CCDC7: variants seen among roughly 807,000 people sequenced by gnomAD.
CCDC7 encodes coiled-coil domain-containing protein 7.
In CCDC7, 183 loss-of-function variants were observed where a neutral mutation model predicts 196.9. That is an observed-to-expected ratio of 0.93 (90% CI 0.82 to 1.05). The LOEUF is 1.05. Ranked by LOEUF, CCDC7 falls within the 50% of genes least tolerant of loss-of-function variation. CCDC7 has a pLI of 0.00. For synonymous variants in CCDC7, 525 were observed against 484.6 expected, an observed-to-expected ratio of 1.08 and a Z score of -1.10; for missense variants, 1,540 against 1,482.2, an observed-to-expected ratio of 1.04 and a Z score of -0.64.
chr10:32,503,515 T>C lies in CCDC7; in HGVS notation c.872+11518T>C, dbSNP rs558468235. 2.6e-5 allele frequency among the ~76,000 whole-genome samples: 4 copies of C among 152,336 alleles called. No homozygotes were observed. In the East Asian group the frequency reaches 7.7e-4, roughly 29 times the overall value. ...ATCATGGTGAATGATCCCTTTAATG[T>C]ACTGTTAAATTTGTTTTGCTAGTAT... is the stretch of plus-strand genomic sequence containing the variant. On this transcript the variant is annotated intron_variant, in intron 9 of 41. Transcript: ENST00000639629.
chr10:32,557,673 G>A (rs1168827327), intron 13 of CCDC7, among the ~76,000 whole-genome samples: 2 of 151,890 alleles, frequency 1.3e-5, no homozygotes, highest in African/African-American at 2.4e-5. Context: ...ATGATTTTCA[G>A]TTCCAGAATT....
At chr10:32,561,532 A>G (rs2055631441) in intron 13 of CCDC7, among the ~76,000 whole-genome samples, 1 of 152,206 alleles carries the variant, frequency 6.6e-6, no homozygotes. Context: ...AAACTGAACA[A>G]CCTGCTCCTG....
At chr10:32,551,404 G>A (rs1010033030) in intron 13 of CCDC7, among the ~76,000 whole-genome samples, 1 of 151,762 alleles carries the variant, frequency 6.6e-6, no homozygotes, top group East Asian at 1.9e-4. Context: ...ATTTAGTTCT[G>A]CTCTGATCTT....
intron 28 of CCDC7, among the ~76,000 whole-genome samples, chr10:32,770,941 C>T (rs545349271): frequency 4.6e-5 from 7 of 152,056 alleles, no homozygotes; most frequent in Non-Finnish European, 8.8e-5. Flanking sequence ...TGTACAATAC[C>T]TTTTTAATTC....
At chr10:32,711,632 A>G in exon 25 of CCDC7, 1 of 1,585,020 alleles carries the variant, frequency 6.3e-7, no homozygotes, top group Non-Finnish European at 8.6e-7. Context: ...CATGATGAAG[A>G]ATCAGGTGAA....
At chr10:32,663,359 A>G (rs1312552966) in intron 20 of CCDC7, among the ~76,000 whole-genome samples, 1 of 152,222 alleles carries the variant, frequency 6.6e-6, no homozygotes, top group African/African-American at 2.4e-5. Flanking sequence ...AACAATGGTC[A>G]TTGGATGCAA....
chr10:32,859,317 T>A (rs2093881709), intron 41 of CCDC7, among the ~76,000 whole-genome samples: 1 of 152,174 alleles, frequency 6.6e-6, no homozygotes, highest in African/African-American at 2.4e-5. Flanking sequence ...CCTGAATGAC[T>A]ACTGGGTAAA....
chr10:32,475,099 T>C (rs1328113774), intron 8 of CCDC7, among the ~76,000 whole-genome samples: 1 of 152,188 alleles, frequency 6.6e-6, no homozygotes, highest in African/African-American at 2.4e-5. Flanking sequence ...TCGAGGGGAA[T>C]CCTTTGTACA....
chr10:32,558,406 G>C (rs1301231942), intron 13 of CCDC7, among the ~76,000 whole-genome samples: 9 of 152,070 alleles, frequency 5.9e-5, no homozygotes, highest in Admixed American at 5.9e-4. Flanking sequence ...TGCATATGTA[G>C]TTCAGGGGTC....
intron 30 of CCDC7, among the ~76,000 whole-genome samples, chr10:32,811,131 A>G (rs2086993367): frequency 6.6e-6 from 1 of 152,042 alleles, no homozygotes; most frequent in African/African-American, 2.4e-5. Flanking sequence ...AACCAATCAC[A>G]ACAAAAATTA....
upstream of CCDC7, among the ~76,000 whole-genome samples, chr10:32,445,679 C>T (rs532537166): frequency 2.0e-5 from 3 of 152,328 alleles, no homozygotes; most frequent in East Asian, 5.8e-4. Context: ...AGTGTCACAA[C>T]TCTGCTTCAA....
chr10:32,489,367 TG>T (rs771726275), intron 8 of CCDC7, among the ~76,000 whole-genome samples: 3 of 152,144 alleles, frequency 2.0e-5, no homozygotes, highest in African/African-American at 4.8e-5. Flanking sequence ...TGGTCACACC[TG>T]GAGAGCAACA....
chr10:32,848,643 G>C lies in CCDC7; in HGVS notation c.3820G>C (p.Gly1274Arg), dbSNP rs777509300. 5.2e-6 allele frequency: 8 copies of C among 1,525,614 alleles called. No homozygotes were observed. In the Middle Eastern group the frequency reaches 1.4e-3, roughly 258 times the overall value. 94.5% of individuals were successfully genotyped at this position (1,525,614 alleles called of 1,614,324 possible). A position where few individuals can be genotyped will look rare whatever the true frequency, so the allele number is the denominator to read the frequency against. Residue 1274 changes from glycine to arginine, a missense_variant, in exon 39 of 42, where the codon GGT becomes CGT. By Grantham distance (125) the Gly-to-Arg change is moderately radical. Transcript: ENST00000639629. ...AGATATGTCCGTACAACGTCAAGAA[G>C]GTATCTTTACTAGGAGCATTACACC... is the stretch of plus-strand genomic sequence containing the variant.
chr10:32,756,223 C>A (rs909315098), intron 28 of CCDC7, among the ~76,000 whole-genome samples: 1 of 152,146 alleles, frequency 6.6e-6, no homozygotes, highest in Non-Finnish European at 1.5e-5. Flanking sequence ...CCTAGCAAGG[C>A]AGGCCAACAT....
chr10:32,547,252 C>T (rs566173750), intron 13 of CCDC7, among the ~76,000 whole-genome samples: 1 of 152,226 alleles, frequency 6.6e-6, no homozygotes, highest in South Asian at 2.1e-4. Flanking sequence ...GTCTTGGATT[C>T]CTGGCCTCAA....
chr10:32,496,644 A>T (rs1177111109), intron 9 of CCDC7, among the ~76,000 whole-genome samples: 2 of 152,180 alleles, frequency 1.3e-5, no homozygotes, highest in African/African-American at 4.8e-5. Flanking sequence ...ATCTATTTAC[A>T]TAATCATGTG....
chr10:32,684,223 G>C (rs1233309080), intron 21 of CCDC7, among the ~76,000 whole-genome samples: 1 of 152,138 alleles, frequency 6.6e-6, no homozygotes, highest in African/African-American at 2.4e-5. Flanking sequence ...ATCCTGGGGC[G>C]CATGGGAGAT....
downstream of CCDC7, among the ~76,000 whole-genome samples, chr10:32,879,739 G>A (rs1374100930): frequency 7.6e-6 from 1 of 132,342 alleles, no homozygotes; most frequent in Non-Finnish European, 1.6e-5. Context: ...ACTGTGTGTT[G>A]TTCCCCTCCC....
chr10:32,632,784 C>T (rs921586008), intron 18 of CCDC7, among the ~76,000 whole-genome samples: 5 of 152,008 alleles, frequency 3.3e-5, no homozygotes, highest in Admixed American at 6.6e-5. Flanking sequence ...AATGTCAGTT[C>T]ATATAGATTG....
Sources: allele counts gnomAD v4.1 joint callset (sites outside exome capture counted in the v4.1 genomes callset), GRCh38; gene constraint gnomAD v4.1.1; transcripts MANE v1.5; gene names NCBI Gene and HGNC (gene_info 2026-07-23, HGNC 2026-07-21).